DLGAP1: variants seen among roughly 807,000 people sequenced by gnomAD.
DLGAP1 encodes disks large-associated protein 1.
In DLGAP1, 11 loss-of-function variants were observed where a neutral mutation model predicts 90.8. That is an observed-to-expected ratio of 0.12 (90% CI 0.08 to 0.20). The LOEUF (loss-of-function observed/expected upper bound fraction) is 0.20, where lower values mean the gene tolerates loss of function less well. Ranked by LOEUF, DLGAP1 falls within the 10% of genes least tolerant of loss-of-function variation. DLGAP1 has a pLI of 1.00. For missense variants in DLGAP1, 1,050 were observed against 1,333.8 expected (o/e 0.79, Z 3.31); for synonymous variants, 558 against 540.7 (o/e 1.03, Z -0.44).
chr18:3,548,711 G>A (rs1419233067), intron 9 of DLGAP1, among the ~76,000 whole-genome samples: 1 of 152,114 alleles, frequency 6.6e-6, no homozygotes, highest in African/African-American at 2.4e-5. Flanking sequence ...TCAGTAACAA[G>A]GCAAGGATGT....
chr18:4,032,072 A>G (rs185939533), intron 2 of DLGAP1, among the ~76,000 whole-genome samples: 1 of 152,356 alleles, frequency 6.6e-6, no homozygotes, highest in Admixed American at 6.5e-5. Flanking sequence ...TAATAAAAAC[A>G]TATTGGTCAT....
chr18:4,376,952 T>C (rs994235290), intron 1 of DLGAP1, among the ~76,000 whole-genome samples: 1 of 152,172 alleles, frequency 6.6e-6, no homozygotes, highest in Non-Finnish European at 1.5e-5. Flanking sequence ...GATTAGGTGA[T>C]CTGGTGTGAG....
chr18:4,299,588 GCTTA>G (rs926064322), intron 1 of DLGAP1, among the ~76,000 whole-genome samples: 25 of 152,108 alleles, frequency 1.6e-4, no homozygotes, highest in African/African-American at 4.1e-4. Flanking sequence ...TTCAAATTGT[GCTTA>G]CTTGTCATAA....
At chr18:3,569,182 AG>A (rs2054619769) in intron 8 of DLGAP1, among the ~76,000 whole-genome samples, 1 of 151,064 alleles carries the variant, frequency 6.6e-6, no homozygotes. Flanking sequence ...TTGTATTTTT[AG>A]TAGAGATGGG....
chr18:3,567,468 G>A, intron 9 of DLGAP1, 22 bp downstream of exon 9: 1 of 1,585,066 alleles, frequency 6.3e-7, no homozygotes, highest in Non-Finnish European at 8.6e-7. Flanking sequence ...AGACAAAAGA[G>A]GATGCGTGCA....
Position 4,049,260 on chromosome 18 carries a change from G to A in DLGAP1, c.-158-44059C>T, listed in dbSNP as rs868710535. 1.5e-4 allele frequency among the ~76,000 whole-genome samples: 22 copies of A among 151,412 alleles called. 3 individuals carry two copies. The highest frequency in any genetic ancestry group is 3.9e-4 in the East Asian group (2 of 5,134). On this transcript the variant is annotated intron_variant, in intron 2 of 12. Coordinates refer to ENST00000315677, the MANE Select transcript of DLGAP1 (RefSeq NM_004746.4). ...AAAAAAAAAAATTATATGCCTGGTC[G>A]TAGAACTTCCCGCCACACAGATGTC...
chr18:3,505,493 C>T (rs571315029), intron 11 of DLGAP1, among the ~76,000 whole-genome samples: 3 of 151,810 alleles, frequency 2.0e-5, no homozygotes, highest in African/African-American at 7.2e-5. Context: ...AAAAAATTAG[C>T]TGGGTGTCGT....
chr18:4,213,739 G>C (rs1364128409), intron 1 of DLGAP1, among the ~76,000 whole-genome samples: 1 of 152,190 alleles, frequency 6.6e-6, no homozygotes, highest in African/African-American at 2.4e-5. Flanking sequence ...CTCAAGGAAA[G>C]TTTTCTGAGA....
intron 5 of DLGAP1, among the ~76,000 whole-genome samples, chr18:3,769,518 G>A (rs1241175427): frequency 6.6e-6 from 1 of 152,132 alleles, no homozygotes; most frequent in Non-Finnish European, 1.5e-5. Flanking sequence ...AGGAATGAAT[G>A]GTTAAACTGT....
intron 1 of DLGAP1, among the ~76,000 whole-genome samples, chr18:4,306,422 TA>T (rs2080260769): frequency 9.0e-6 from 1 of 111,662 alleles, no homozygotes; most frequent in Non-Finnish European, 1.8e-5. Flanking sequence ...AAAGAGAAAG[TA>T]AGAGTGTGTG....
chr18:4,354,299 C>T (rs530809364), intron 1 of DLGAP1, among the ~76,000 whole-genome samples: 1 of 152,312 alleles, frequency 6.6e-6, no homozygotes, highest in Admixed American at 6.5e-5. Flanking sequence ...CTCTAACCTT[C>T]CTCCACCTTG....
intron 1 of DLGAP1, among the ~76,000 whole-genome samples, chr18:4,356,619 C>T (rs1378244095): frequency 6.6e-6 from 1 of 152,178 alleles, no homozygotes; most frequent in African/African-American, 2.4e-5. Context: ...GCCACCTTTA[C>T]TGTTATCATC....
chr18:4,246,563 C>G (rs983066274), intron 1 of DLGAP1, among the ~76,000 whole-genome samples: 2 of 152,184 alleles, frequency 1.3e-5, no homozygotes, highest in East Asian at 3.9e-4. Context: ...CAGTGCTGGC[C>G]TGGGGACGCA....
At position 3,722,526 on chromosome 18, in the gene DLGAP1, G is replaced by A. The variant is rs1446232251; in HGVS notation, c.1591+6609C>T. On this transcript the variant is annotated intron_variant, in intron 7 of 12. Coordinates refer to ENST00000315677, the MANE Select transcript of DLGAP1 (RefSeq NM_004746.4). The stretch of plus-strand genomic sequence containing the variant: ...CATAAATCTTGCTCTTTTTTCTTTC[G>A]TCTGAGCCTGCAAGGGTGGAAGTAC... 4 of 151,862 alleles carry A rather than the reference G, an allele frequency of 2.6e-5. No individual in the cohort carries two copies. In the East Asian group the frequency reaches 7.7e-4, roughly 29 times the overall value. 9.4% of individuals were successfully genotyped at this position (151,862 alleles called of 1,614,324 possible).
At chr18:3,718,113 G>T (rs1241803340) in intron 7 of DLGAP1, among the ~76,000 whole-genome samples, 1 of 152,088 alleles carries the variant, frequency 6.6e-6, no homozygotes, top group Admixed American at 6.6e-5. Context: ...GTTTAACCTG[G>T]ATTTATGTCA....
At chr18:4,443,615 C>T (rs1312401568) in intron 1 of DLGAP1, among the ~76,000 whole-genome samples, 1 of 152,206 alleles carries the variant, frequency 6.6e-6, no homozygotes, top group East Asian at 1.9e-4. Context: ...AAATACTGTT[C>T]AGTGTCCAAA....
intron 9 of DLGAP1, among the ~76,000 whole-genome samples, chr18:3,552,893 G>A (rs533273608): frequency 1.3e-5 from 2 of 151,904 alleles, no homozygotes; most frequent in East Asian, 1.9e-4. Context: ...ACTGGCTTTC[G>A]ATTCAGCTTT....
chr18:3,769,507 A>G (rs1188289228), intron 5 of DLGAP1, among the ~76,000 whole-genome samples: 1 of 152,164 alleles, frequency 6.6e-6, no homozygotes, highest in Non-Finnish European at 1.5e-5. Context: ...GATATCCTTC[A>G]AGGAATGAAT....
intron 1 of DLGAP1, among the ~76,000 whole-genome samples, chr18:4,177,894 G>T (rs2077137573): frequency 2.0e-5 from 3 of 152,026 alleles, no homozygotes; most frequent in Admixed American, 2.0e-4. Flanking sequence ...TTGATTCCAT[G>T]TCTTTGCTAT....
Sources: allele counts gnomAD v4.1 joint callset (sites outside exome capture counted in the v4.1 genomes callset), GRCh38; gene constraint gnomAD v4.1.1; transcripts MANE v1.5; gene names NCBI Gene and HGNC (gene_info 2026-07-23, HGNC 2026-07-21).